The following AGBL1 variants were observed in gnomAD, a reference collection of about 807,000 sequenced individuals.
AGBL1 encodes the protein cytosolic carboxypeptidase 4.
In AGBL1, 130 loss-of-function variants were observed where a neutral mutation model predicts 118.9. The ratio of observed to expected loss-of-function variants is 1.09; its 90% CI spans 0.95 to 1.26. The LOEUF (loss-of-function observed/expected upper bound fraction) is 1.26, where lower values mean the gene tolerates loss of function less well. Ranked by LOEUF, AGBL1 falls within the 50% of genes most tolerant of loss-of-function variation. AGBL1 has a pLI of 0.00. For missense variants in AGBL1, 1,584 were observed against 1,298.1 expected (o/e 1.22, Z -3.38); for synonymous variants, 555 against 478.9 (o/e 1.16, Z -2.08).
chr15:86,213,041 T>G (rs1047955694), intron 5 of AGBL1, among the ~76,000 whole-genome samples: 1 of 152,218 alleles, frequency 6.6e-6, no homozygotes, highest in Non-Finnish European at 1.5e-5. Flanking sequence ...TCATAAATCC[T>G]GTCAATCAAG....
intron 22 of AGBL1, among the ~76,000 whole-genome samples, chr15:86,676,591 T>G (rs1335561353): frequency 6.6e-6 from 1 of 152,144 alleles, no homozygotes; most frequent in Non-Finnish European, 1.5e-5. Context: ...GTATCAGGAT[T>G]CTTATTGTAA....
intron 22 of AGBL1, among the ~76,000 whole-genome samples, chr15:86,852,057 A>G (rs1311507925): frequency 1.3e-5 from 2 of 152,134 alleles, no homozygotes; most frequent in African/African-American, 4.8e-5. Flanking sequence ...TGGTCCATGT[A>G]TTCATCCGTA....
At chr15:86,519,144 C>T (rs949619677) in intron 18 of AGBL1, among the ~76,000 whole-genome samples, 10 of 152,074 alleles carry the variant, frequency 6.6e-5, no homozygotes, top group African/African-American at 2.4e-4. Flanking sequence ...CCACACCCAC[C>T]TCCATGGATA....
rs538847480 is a variant in AGBL1 at position 87,004,024 on chromosome 15, C to G, written c.3323+15936C>G. Among the ~76,000 whole-genome samples, 6 of 152,208 alleles carry G rather than the reference C, an allele frequency of 3.9e-5. 1 individual carries two copies. Among genetic ancestry groups the G allele is most frequent in the African/African-American group, 1.4e-4 (6 of 41,536 alleles). Reference sequence around the variant, plus strand: ...TTCTGCTAGCTTTTGAATGTGTTTGCTCTTGATTCTCTAGTTCTTTCAATT... The same window carrying G: ...TTCTGCTAGCTTTTGAATGTGTTTGGTCTTGATTCTCTAGTTCTTTCAATT... On this transcript the variant is annotated intron_variant, in intron 24 of 24. Transcript: ENST00000441037.
At position 86,904,670 on chromosome 15, in the gene AGBL1, A is replaced by G. The variant is rs2080257967; in HGVS notation, c.3159-2417A>G. On this transcript the variant is annotated intron_variant, in intron 22 of 22. Transcript: ENST00000614907. ...AATGTATGTTATTATATATAAATAT[A>G]TTACATGTATTTTATTATATATAAA... Among the ~76,000 whole-genome samples the G allele has an allele frequency of 4.0e-5, 6 of 148,992 alleles. No individual in the cohort carries two copies. In the South Asian group the frequency reaches 1.3e-3, roughly 31 times the overall value.
rs374608767 is a variant in AGBL1 at position 86,143,707 on chromosome 15, C to T, written c.124C>T (p.Arg42Trp). Residue 42 changes from arginine to tryptophan, a missense_variant, in exon 3 of 23, where the codon CGG (arginine) becomes TGG (tryptophan). Physicochemically the swap from Arg to Trp is moderately radical, Grantham distance 101. Transcript: ENST00000614907. ...LGDLLSVGTD[R>W]RIHYMISKGG... The stretch of plus-strand genomic sequence containing the variant: ...CTCCGGTTTCCCCTCAGGCACAGAC[C>T]GGAGAATTCACTACATGATCAGCAA... The T allele has an allele frequency of 2.9e-5, 46 of 1,613,436 alleles. No individual in the cohort carries two copies. The East Asian group carries it at 3.1e-4, about 11-fold the overall frequency.
At chr15:86,295,230 C>T in intron 16 of AGBL1, 25 bp from the exon 17 acceptor site, 2 of 1,611,146 alleles carry the variant, frequency 1.2e-6, no homozygotes, top group Non-Finnish European at 1.7e-6. Context: ...TGATAATATA[C>T]ATGCCTGCTT....
At chr15:86,946,316 T>TA (rs2080820487) in intron 23 of AGBL1, 1 of 152,166 alleles carries the variant, frequency 6.6e-6, no homozygotes, top group South Asian at 2.1e-4. Context: ...CTGAAATTAA[T>TA]AAAAATTCAA....
At chr15:86,251,166 G>T (rs1597624423) in intron 7 of AGBL1, among the ~76,000 whole-genome samples, 1 of 152,138 alleles carries the variant, frequency 6.6e-6, no homozygotes, top group African/African-American at 2.4e-5. Context: ...CCTTTTTATA[G>T]ATGAAGAAAC....
At chr15:86,422,571 G>T (rs1030444257) in intron 18 of AGBL1, among the ~76,000 whole-genome samples, 1 of 152,030 alleles carries the variant, frequency 6.6e-6, no homozygotes, top group African/African-American at 2.4e-5. Flanking sequence ...TCAAAAGCTA[G>T]CAGAAAACGA....
chr15:86,285,546 C>T (rs566392901), intron 16 of AGBL1, among the ~76,000 whole-genome samples: 74 of 152,202 alleles, frequency 4.9e-4, no homozygotes, highest in Non-Finnish European at 1.5e-5. Context: ...GTAAGACGTG[C>T]CTTTGCTGTT....
intron 18 of AGBL1, among the ~76,000 whole-genome samples, chr15:86,453,384 G>A (rs1387037576): frequency 6.6e-6 from 1 of 152,082 alleles, no homozygotes; most frequent in Non-Finnish European, 1.5e-5. Context: ...TCCAATACAG[G>A]CACAATGGTA....
chr15:86,463,004 G>A (rs1054775472), intron 18 of AGBL1, among the ~76,000 whole-genome samples: 3 of 152,134 alleles, frequency 2.0e-5, no homozygotes, highest in African/African-American at 7.2e-5. Flanking sequence ...GATCCTTGAG[G>A]AATAGCCACA....
intron 23 of AGBL1, among the ~76,000 whole-genome samples, chr15:86,969,632 T>A (rs139387658): frequency 9.1e-4 from 139 of 152,134 alleles, no homozygotes; most frequent in African/African-American, 3.2e-3. Flanking sequence ...TGCATTTTAG[T>A]TTGTGTATTC....
intron 22 of AGBL1, among the ~76,000 whole-genome samples, chr15:86,741,190 TACAGAGG>T (rs2077672491): frequency 6.6e-6 from 1 of 151,548 alleles, no homozygotes; most frequent in Non-Finnish European, 1.5e-5. Flanking sequence ...GGTCACATAG[TACAGAGG>T]ACTTTTCGTT....
chr15:86,817,329 G>A (rs2078873784), intron 22 of AGBL1, among the ~76,000 whole-genome samples: 1 of 149,732 alleles, frequency 6.7e-6, no homozygotes, highest in South Asian at 2.1e-4. Flanking sequence ...CTTAAGGCAT[G>A]GGCCAAGCCT....
chr15:86,206,119 A>G (rs2077988156), intron 5 of AGBL1, among the ~76,000 whole-genome samples: 1 of 152,184 alleles, frequency 6.6e-6, no homozygotes, highest in South Asian at 2.1e-4. Flanking sequence ...AGCTTCATCC[A>G]TGTCCCTATA....
At chr15:86,224,856 A>T in intron 5 of AGBL1, 58 bp from the exon 6 acceptor site, 1 of 1,564,082 alleles carries the variant, frequency 6.4e-7, no homozygotes, top group East Asian at 2.2e-5. Flanking sequence ...TGTGGGATCC[A>T]TGTGCTGAGA....
intron 17 of AGBL1, among the ~76,000 whole-genome samples, chr15:86,316,496 G>A (rs1035016962): frequency 6.6e-6 from 1 of 152,054 alleles, no homozygotes; most frequent in African/African-American, 2.4e-5. Flanking sequence ...TCTACCCCTC[G>A]GTAATTTGAA....
Sources: gnomAD v4.1 joint callset for allele counts (sites outside exome capture counted in the v4.1 genomes callset) on GRCh38, gnomAD v4.1.1 for gene constraint, MANE v1.5 for transcripts, NCBI Gene and HGNC (gene_info 2026-07-23, HGNC 2026-07-21) for gene names.